HTR2C: variants seen among roughly 807,000 people sequenced by gnomAD.
HTR2C encodes the protein 5-hydroxytryptamine (serotonin) receptor 2C, G protein-coupled.
A neutral mutation model predicts 21.0 loss-of-function variants in HTR2C; 5 were observed. The observed-to-expected ratio is 0.24, with a 90% CI of 0.12 to 0.50. HTR2C has a LOEUF of 0.50. Among genes scored for constraint, HTR2C ranks in the 20% least tolerant of loss-of-function variants. HTR2C has a pLI of 0.98. For synonymous variants in HTR2C, 150 were observed against 145.3 expected (o/e 1.03, Z -0.23); for missense variants, 271 against 371.2 (o/e 0.73, Z 2.22).
intron 4 of HTR2C, among the ~76,000 whole-genome samples, chrX:114,754,469 GAACA>G (rs1279203994): frequency 3.6e-5 from 4 of 111,734 alleles, no homozygotes; most frequent in Middle Eastern, 4.6e-3. Flanking sequence ...CAATGGAACA[GAACA>G]AAGAATTCAG....
intron 1 of HTR2C, among the ~76,000 whole-genome samples, chrX:114,592,779 T>TA (rs1254228676): frequency 8.9e-6 from 1 of 112,099 alleles, no homozygotes. Flanking sequence ...GACAACTCCC[T>TA]ATCTCATGTT....
At chrX:114,727,943 C>T (rs2069498916) in intron 3 of HTR2C, among the ~76,000 whole-genome samples, 1 of 111,567 alleles carries the variant, frequency 9.0e-6, no homozygotes, top group African/African-American at 3.2e-5. Context: ...AATGAAAGGA[C>T]AAGTGTTCCT....
At chrX:114,798,102 C>G (rs915069625) in intron 4 of HTR2C, among the ~76,000 whole-genome samples, 2 of 111,020 alleles carry the variant, frequency 1.8e-5, no homozygotes, top group East Asian at 2.8e-4. Context: ...ATGATTTGGA[C>G]AGCTCTATAT....
chrX:114,641,253 C>T (rs996951450), intron 2 of HTR2C, among the ~76,000 whole-genome samples: 7 of 110,284 alleles, frequency 6.3e-5, no homozygotes, highest in African/African-American at 2.3e-4. Context: ...TTAGCAGATG[C>T]CACTGGATTC....
At chrX:114,752,326 G>T (rs1556428291) in intron 4 of HTR2C, among the ~76,000 whole-genome samples, 18 of 111,406 alleles carry the variant, frequency 1.6e-4, no homozygotes, top group Non-Finnish European at 1.9e-5. Flanking sequence ...GAAAATCTCA[G>T]TATCTCTTAT....
intron 2 of HTR2C, among the ~76,000 whole-genome samples, chrX:114,680,104 T>C (rs1931696073): frequency 8.9e-6 from 1 of 112,273 alleles, no homozygotes; most frequent in South Asian, 3.6e-4. Context: ...AGAAAGGAAA[T>C]TGTTTCATCT....
At chrX:114,784,118 C>G (rs1218439741) in intron 4 of HTR2C, among the ~76,000 whole-genome samples, 1 of 95,780 alleles carries the variant, frequency 1.0e-5, no homozygotes, top group East Asian at 3.3e-4. Flanking sequence ...TGTATCAAAT[C>G]AAACCAAACA....
At position 114,810,276 on chromosome X, in the gene HTR2C, C is replaced by T. The variant is rs139482214; in HGVS notation, c.350-37727C>T. On this transcript the variant is annotated intron_variant, in intron 4 of 5. Coordinates refer to ENST00000276198, the MANE Select transcript of HTR2C (RefSeq NM_000868.4). ...GGTGATGCAAACATTCCCTTGGCCA[C>T]GCCAGCTGATATCTCACTAGGTCTC... is the stretch of plus-strand genomic sequence containing the variant. 3.2e-3 allele frequency among the ~76,000 whole-genome samples: 362 copies of T among 111,394 alleles called. 2 individuals carry two copies. The highest frequency in any genetic ancestry group is 0.011 in the African/African-American group (352 of 30,691).
intron 4 of HTR2C, among the ~76,000 whole-genome samples, chrX:114,757,497 T>C (rs1160978198): frequency 9.0e-6 from 1 of 111,066 alleles, no homozygotes; most frequent in Non-Finnish European, 1.9e-5. Flanking sequence ...AGGCCAAGTC[T>C]TTATCTTTCT....
intron 2 of HTR2C, among the ~76,000 whole-genome samples, chrX:114,636,339 C>T (rs1235247843): frequency 9.0e-6 from 1 of 111,122 alleles, no homozygotes; most frequent in Non-Finnish European, 1.9e-5. Flanking sequence ...GGAAAAGTAA[C>T]CCTAAAACAT....
At chrX:114,646,152 A>G (rs1007231169) in intron 2 of HTR2C, among the ~76,000 whole-genome samples, 7 of 112,185 alleles carry the variant, frequency 6.2e-5, no homozygotes, top group African/African-American at 2.3e-4. Context: ...GGTTTAATTT[A>G]TTGACAAATA....
chrX:114,587,832 A>G (rs1222045545), intron 1 of HTR2C, among the ~76,000 whole-genome samples: 1 of 112,175 alleles, frequency 8.9e-6, no homozygotes, highest in Admixed American at 9.5e-5. Context: ...ATTCTAGACA[A>G]ACAACATTGA....
intron 2 of HTR2C, among the ~76,000 whole-genome samples, chrX:114,633,120 C>T (rs1929697181): frequency 9.0e-6 from 1 of 111,155 alleles, no homozygotes; most frequent in Admixed American, 9.6e-5. Flanking sequence ...AGGTCAGAAT[C>T]TGTCAACATT....
intron 4 of HTR2C, among the ~76,000 whole-genome samples, chrX:114,794,288 C>T (rs980393117): frequency 8.1e-5 from 9 of 111,035 alleles, no homozygotes; most frequent in African/African-American, 2.6e-4. Flanking sequence ...TTATGGCTAC[C>T]TCTTTTAAGC....
intron 5 of HTR2C, among the ~76,000 whole-genome samples, chrX:114,881,248 T>A (rs2071178670): frequency 9.0e-6 from 1 of 111,241 alleles, no homozygotes; most frequent in Non-Finnish European, 1.9e-5. Flanking sequence ...GTAACAAATA[T>A]TCTGGATGAA....
rs782237598 is a variant in HTR2C at position 114,859,404 on chromosome X, G to A, written c.550+11201G>A. Among the ~76,000 whole-genome samples, 65 of 110,472 alleles carry A rather than the reference G, an allele frequency of 5.9e-4. 1 individual carries two copies. Among genetic ancestry groups the A allele is most frequent in the African/African-American group, 2.1e-3 (63 of 30,479 alleles). On this transcript the variant is annotated intron_variant, in intron 5 of 5. Coordinates refer to ENST00000276198, the MANE Select transcript of HTR2C (RefSeq NM_000868.4). ...TAGATTCAATTGCTTCAACATGAATGGCAATATTAATATTTTCTTTTGTGT... is the reference window on the plus strand; with the variant it reads ...TAGATTCAATTGCTTCAACATGAATAGCAATATTAATATTTTCTTTTGTGT...
intron 4 of HTR2C, among the ~76,000 whole-genome samples, chrX:114,760,494 T>C (rs1556431967): frequency 9.0e-6 from 1 of 111,537 alleles, no homozygotes. Flanking sequence ...TTTACCACAA[T>C]GGAAATACAC....
chrX:114,888,532 C>T lies in HTR2C; in HGVS notation c.551-18057C>T, dbSNP rs73573342. The stretch of plus-strand genomic sequence containing the variant: ...TGTGTCTCTCCTAGGAATATAAATC[C>T]TTGACTGGGAACTGGGGATAAGGGG... On this transcript the variant is annotated intron_variant, in intron 5 of 5. Coordinates refer to ENST00000276198, the MANE Select transcript of HTR2C (RefSeq NM_000868.4). 5.5e-3 allele frequency among the ~76,000 whole-genome samples: 609 copies of T among 111,641 alleles called. 2 individuals carry two copies. Among genetic ancestry groups the T allele is most frequent in the African/African-American group, 0.019 (582 of 30,754 alleles).
At chrX:114,820,389 A>C (rs2070621575) in intron 4 of HTR2C, among the ~76,000 whole-genome samples, 1 of 110,292 alleles carries the variant, frequency 9.1e-6, no homozygotes, top group African/African-American at 3.3e-5. Flanking sequence ...TGTTTAAAAA[A>C]GTAAATTTGA....
Sources: gnomAD v4.1 joint callset for allele counts (sites outside exome capture counted in the v4.1 genomes callset) on GRCh38, gnomAD v4.1.1 for gene constraint, MANE v1.5 for transcripts, NCBI Gene and HGNC (gene_info 2026-07-23, HGNC 2026-07-21) for gene names.